ST6GALNAC3: variants seen among roughly 807,000 people sequenced by gnomAD.
The protein encoded by ST6GALNAC3 is alpha-N-acetylgalactosaminide alpha-2,6-sialyltransferase 3.
ST6GALNAC3 carries 25 observed loss-of-function variants against 32.7 expected under a neutral mutation model. The ratio of observed to expected loss-of-function variants is 0.76; its 90% CI spans 0.56 to 1.07. ST6GALNAC3 has a LOEUF of 1.07. Ranked by LOEUF, ST6GALNAC3 falls within the 50% of genes least tolerant of loss-of-function variation. ST6GALNAC3 has a pLI of 0.00. For missense variants in ST6GALNAC3, 355 were observed against 382.4 expected, an observed-to-expected ratio of 0.93 and a Z score of 0.60; for synonymous variants, 129 against 133.1, an observed-to-expected ratio of 0.97 and a Z score of 0.21.
intron 3 of ST6GALNAC3, among the ~76,000 whole-genome samples, chr1:76,514,363 T>A (rs549841157): frequency 2.0e-5 from 3 of 152,148 alleles, no homozygotes; most frequent in Non-Finnish European, 4.4e-5. Flanking sequence ...TTAATGTGGT[T>A]GTATGGTTTG....
At chr1:76,478,402 C>T (rs1659491741) in intron 3 of ST6GALNAC3, among the ~76,000 whole-genome samples, 1 of 152,128 alleles carries the variant, frequency 6.6e-6, no homozygotes, top group Non-Finnish European at 1.5e-5. Context: ...TTCTGGAGTT[C>T]CTCCTGGTTT....
rs2100834765 is a variant in ST6GALNAC3, at chr1:76,296,694, C to G, written c.19-17111C>G. ...TGCCACCTGTATATCAGATATTATA[C>G]TGGGATGACATAGTGGCAACCAAAA... On this transcript the variant is annotated intron_variant, in intron 1 of 4. Transcript: ENST00000328299. 2.0e-5 allele frequency among the ~76,000 whole-genome samples: 3 copies of G among 152,130 alleles called. No homozygotes were observed. The Middle Eastern group carries it at 0.01, about 517-fold the overall frequency.
intron 2 of ST6GALNAC3, among the ~76,000 whole-genome samples, chr1:76,340,716 T>C (rs987696362): frequency 1.3e-5 from 2 of 152,130 alleles, no homozygotes; most frequent in Admixed American, 6.6e-5. Flanking sequence ...TGCACATCTT[T>C]GTGTTTGGGA....
intron 1 of ST6GALNAC3, among the ~76,000 whole-genome samples, chr1:76,112,116 G>A (rs1315757432): frequency 2.1e-5 from 3 of 142,802 alleles, no homozygotes; most frequent in Non-Finnish European, 4.6e-5. Flanking sequence ...CGGGCGGGGG[G>A]CTGACACTCC....
chr1:76,230,483 C>G (rs1226605180), intron 1 of ST6GALNAC3, among the ~76,000 whole-genome samples: 1 of 152,040 alleles, frequency 6.6e-6, no homozygotes, highest in African/African-American at 2.4e-5. Context: ...TTTTTAGGGT[C>G]CTATGGCAAT....
intron 1 of ST6GALNAC3, among the ~76,000 whole-genome samples, chr1:76,209,180 A>T (rs1397380442): frequency 6.6e-6 from 1 of 152,120 alleles, no homozygotes; most frequent in African/African-American, 2.4e-5. Context: ...TTGTCTTCAG[A>T]GGAGGTTTTT....
At chr1:76,417,726 G>A (rs541611095) in intron 3 of ST6GALNAC3, among the ~76,000 whole-genome samples, 2 of 152,110 alleles carry the variant, frequency 1.3e-5, no homozygotes, top group African/African-American at 4.8e-5. Flanking sequence ...TTGAGAAAGC[G>A]ATAGTCCCCA....
chr1:76,610,194 C>T (rs1647829508), intron 3 of ST6GALNAC3, among the ~76,000 whole-genome samples: 1 of 152,056 alleles, frequency 6.6e-6, no homozygotes. Context: ...TACAAAATAG[C>T]CAAAAGAGAA....
chr1:76,392,667 C>T lies in ST6GALNAC3; in HGVS notation c.214-19341C>T, dbSNP rs530808280. Among the ~76,000 whole-genome samples, 301 of 152,244 alleles carry T rather than the reference C, an allele frequency of 2.0e-3. 2 individuals carry two copies. Among genetic ancestry groups the T allele is most frequent in the Non-Finnish European group, 1.7e-3 (114 of 67,998 alleles). On this transcript the variant is annotated intron_variant, in intron 2 of 4. Coordinates refer to ENST00000328299, the MANE Select transcript of ST6GALNAC3 (RefSeq NM_152996.4). ...CTGGAGTAAATTAGAGGTTAGACTT[C>T]CAGCCTGAGAGATGGAATTCAGGGT... is the stretch of plus-strand genomic sequence containing the variant.
chr1:76,391,396 A>G (rs373256617), intron 2 of ST6GALNAC3, among the ~76,000 whole-genome samples: 1 of 152,234 alleles, frequency 6.6e-6, no homozygotes, highest in Admixed American at 6.5e-5. Flanking sequence ...GTGGTTGTAC[A>G]TGAATGAATG....
At chr1:76,566,526 C>T (rs1028395796) in intron 3 of ST6GALNAC3, among the ~76,000 whole-genome samples, 2 of 152,098 alleles carry the variant, frequency 1.3e-5, no homozygotes, top group African/African-American at 4.8e-5. Context: ...TTTCTTATTC[C>T]TCCAGACCTC....
chr1:76,104,944 A>G (rs1647420970), intron 1 of ST6GALNAC3, among the ~76,000 whole-genome samples: 1 of 152,004 alleles, frequency 6.6e-6, no homozygotes, highest in South Asian at 2.1e-4. Context: ...GGAAAGACCT[A>G]CCTCCATGAT....
intron 2 of ST6GALNAC3, among the ~76,000 whole-genome samples, chr1:76,395,889 T>G (rs1216771138): frequency 6.6e-6 from 1 of 152,194 alleles, no homozygotes; most frequent in Non-Finnish European, 1.5e-5. Flanking sequence ...GAATAAGTTC[T>G]AATGTTTGAT....
chr1:76,205,733 A>T (rs1471859415), intron 1 of ST6GALNAC3, among the ~76,000 whole-genome samples: 2 of 152,216 alleles, frequency 1.3e-5, no homozygotes, highest in South Asian at 4.1e-4. Flanking sequence ...TTCCACCTCT[A>T]TGTTATCTGA....
chr1:76,207,884 T>G (rs1452304538), intron 1 of ST6GALNAC3, among the ~76,000 whole-genome samples: 1 of 152,236 alleles, frequency 6.6e-6, no homozygotes, highest in Non-Finnish European at 1.5e-5. Flanking sequence ...TCACCTTACA[T>G]GCTCCAATGT....
intron 2 of ST6GALNAC3, among the ~76,000 whole-genome samples, chr1:76,396,268 C>G (rs1217763233): frequency 1.3e-5 from 2 of 152,038 alleles, no homozygotes; most frequent in Non-Finnish European, 2.9e-5. Flanking sequence ...AGTTCGAGAC[C>G]AGCCTGGGCA....
chr1:76,308,461 A>T (rs1399497560), intron 1 of ST6GALNAC3, among the ~76,000 whole-genome samples: 1 of 152,174 alleles, frequency 6.6e-6, no homozygotes, highest in Non-Finnish European at 1.5e-5. Context: ...ATAAACTGAC[A>T]TGTACTTACT....
Position 76,630,825 on chromosome 1 carries a change from C to G in ST6GALNAC3, c.*2019C>G. The G allele has an allele frequency of 1.0e-6, 1 of 985,392 alleles. No homozygotes were observed. The highest frequency in any genetic ancestry group is 1.2e-6 in the Non-Finnish European group (1 of 829,738). 61.0% of individuals were successfully genotyped at this position (985,392 alleles called of 1,614,324 possible). A position where few individuals can be genotyped will look rare whatever the true frequency, so the allele number is the denominator to read the frequency against. On this transcript the variant is annotated 3_prime_UTR_variant, in exon 5 of 5. Coordinates refer to ENST00000328299, the MANE Select transcript of ST6GALNAC3 (RefSeq NM_152996.4). ...TCTATGAATGTTAAGTTTTTTTGAG[C>G]TAATGATAGATAGAAATGCCCACTC... is the stretch of plus-strand genomic sequence containing the variant.
intron 2 of ST6GALNAC3, among the ~76,000 whole-genome samples, chr1:76,359,124 A>C (rs1484382258): frequency 6.6e-6 from 1 of 152,232 alleles, no homozygotes; most frequent in Non-Finnish European, 1.5e-5. Flanking sequence ...AATATGAAGC[A>C]CTTAGTAAAC....
Sources: allele counts gnomAD v4.1 joint callset (sites outside exome capture counted in the v4.1 genomes callset), GRCh38; gene constraint gnomAD v4.1.1; transcripts MANE v1.5; gene names NCBI Gene and HGNC (gene_info 2026-07-23, HGNC 2026-07-21).